SNAP91: variants seen among roughly 807,000 people sequenced by gnomAD.
SNAP91 encodes the protein synaptosome associated protein 91.
Under a neutral mutation model 100.3 loss-of-function variants are expected in SNAP91, and 27 were observed. The observed-to-expected ratio is 0.27, with a 90% CI of 0.20 to 0.37. SNAP91 has a LOEUF of 0.37. SNAP91 is among the 10% of genes least tolerant of loss of function. SNAP91 has a pLI of 1.00. For synonymous variants in SNAP91, 404 were observed against 398.6 expected, an observed-to-expected ratio of 1.01 and a Z score of -0.16; for missense variants, 986 against 1,123.7, an observed-to-expected ratio of 0.88 and a Z score of 1.75.
chr6:83,556,203 G>C lies in SNAP91; in HGVS notation c.2674C>G (p.Pro892Ala), dbSNP rs1205008783. Residue 892 changes from proline to alanine, a missense_variant, in exon 29 of 30, where the codon CCT becomes GCT. By Grantham distance (27) the Pro-to-Ala change is conservative. Coordinates refer to ENST00000369694, the MANE Select transcript of SNAP91 (RefSeq NM_001242792.2). ...PTPASQSPKK[P>A]PAKDPLADLN... ...TCCGCTAATGGGTCCTTTGCTGGAG[G>C]TTTCTTGGGACTCTGACTGGCAGGT... The C allele has an allele frequency of 6.3e-7, 1 of 1,576,008 alleles. No individual in the cohort carries two copies.
intron 11 of SNAP91, chr6:83,611,375 G>T: frequency 2.3e-6 from 1 of 425,764 alleles, no homozygotes; most frequent in Non-Finnish European, 4.7e-6. Flanking sequence ...ATTACTGGTA[G>T]CATTGACTAT....
intron 27 of SNAP91, 108 bp downstream of exon 27, chr6:83,560,756 T>G (rs1184448490): frequency 1.3e-5 from 12 of 932,070 alleles, no homozygotes; most frequent in Non-Finnish European, 1.9e-5. Context: ...AAGTTTTACT[T>G]ACTGTGTTTT....
intron 8 of SNAP91, among the ~76,000 whole-genome samples, chr6:83,624,741 T>C (rs1202918086): frequency 6.6e-6 from 1 of 152,022 alleles, no homozygotes; most frequent in Non-Finnish European, 1.5e-5. Context: ...TGCTATCCTT[T>C]GAGGAGGGGA....
In SNAP91 at chr6:83,707,753, C is replaced by G. The variant is rs752129945; in HGVS notation, c.130+45G>C. ...CAGGCCGCACCACCAGCATCCCAGG[C>G]GCCTCTGCCGTGCGCATGTCCCTCT... On this transcript the variant is annotated intron_variant, in intron 2 of 29. Coordinates refer to ENST00000369694, the MANE Select transcript of SNAP91 (RefSeq NM_001242792.2). 5.0e-6 allele frequency: 8 copies of G among 1,605,618 alleles called. No homozygotes were observed. In the East Asian group the frequency reaches 1.6e-4, roughly 31 times the overall value.
intron 26 of SNAP91, among the ~76,000 whole-genome samples, chr6:83,564,948 C>A (rs775136871): frequency 1.3e-5 from 2 of 150,102 alleles, no homozygotes; most frequent in Non-Finnish European, 3.0e-5. Flanking sequence ...TCAAAGGACA[C>A]TATCAAGAAA....
intron 26 of SNAP91, among the ~76,000 whole-genome samples, chr6:83,568,809 CCTT>C (rs1405466719): frequency 6.6e-6 from 1 of 152,172 alleles, no homozygotes; most frequent in East Asian, 1.9e-4. Context: ...TCCTTCATCT[CCTT>C]CTCAATAGCA....
At chr6:83,705,417 A>C (rs1455872293) in intron 2 of SNAP91, among the ~76,000 whole-genome samples, 5 of 152,280 alleles carry the variant, frequency 3.3e-5, no homozygotes, top group Middle Eastern at 3.4e-3. Context: ...TAGAGATTAG[A>C]CCATTTAGGT....
At chr6:83,620,326 G>A (rs2096661746) in intron 9 of SNAP91, among the ~76,000 whole-genome samples, 1 of 152,156 alleles carries the variant, frequency 6.6e-6, no homozygotes. Context: ...TACCTGGCTA[G>A]ATTGAATGGC....
chr6:83,596,878 T>C (rs905914224), intron 16 of SNAP91, among the ~76,000 whole-genome samples: 2 of 152,236 alleles, frequency 1.3e-5, no homozygotes, highest in East Asian at 3.8e-4. Flanking sequence ...GCATTTTTTA[T>C]GAAATATGCC....
At chr6:83,680,883 T>C (rs781080026) in intron 2 of SNAP91, among the ~76,000 whole-genome samples, 1 of 152,126 alleles carries the variant, frequency 6.6e-6, no homozygotes, top group African/African-American at 2.4e-5. Flanking sequence ...ATCTCAGGGA[T>C]TGAAGTTGGG....
At chr6:83,586,278 T>G (rs768024115) in intron 22 of SNAP91, among the ~76,000 whole-genome samples, 4 of 152,216 alleles carry the variant, frequency 2.6e-5, no homozygotes, top group Non-Finnish European at 4.4e-5. Context: ...ATGTTTGTAT[T>G]TTAAATTCAG....
Position 83,616,226 on chromosome 6 carries a change from G to C in SNAP91, c.878+743C>G, listed in dbSNP as rs549735501. Among the ~76,000 whole-genome samples, 6 of 152,244 alleles carry C rather than the reference G, an allele frequency of 3.9e-5. No individual in the cohort carries two copies. In the East Asian group the frequency reaches 1.2e-3, roughly 29 times the overall value. On this transcript the variant is annotated intron_variant, in intron 10 of 29. Coordinates refer to ENST00000369694, the MANE Select transcript of SNAP91 (RefSeq NM_001242792.2). ...GCATAAGATTTACAAAGCAGGACAA[G>C]GAGGATGGGCATCCTAAGACTTGCA...
At chr6:83,660,740 TA>T (rs898539731) in intron 5 of SNAP91, among the ~76,000 whole-genome samples, 28 of 148,338 alleles carry the variant, frequency 1.9e-4, no homozygotes, top group East Asian at 3.9e-4. Flanking sequence ...TCACCTCAAT[TA>T]AAAAAAAAAT....
Position 83,621,193 on chromosome 6 carries a change from A to AT in SNAP91, c.807+2107dup, listed in dbSNP as rs78418092. On this transcript the variant is annotated intron_variant, in intron 9 of 29. Coordinates refer to ENST00000369694, the MANE Select transcript of SNAP91 (RefSeq NM_001242792.2). Reference sequence around the variant, plus strand: ...TATACTCAATGTTTAGCTCCCACTTATAAGTGAGAACATGCAGTATTTGGT... The same window carrying AT: ...TATACTCAATGTTTAGCTCCCACTTATTAAGTGAGAACATGCAGTATTTGGT... Among the ~76,000 whole-genome samples the AT allele has an allele frequency of 1.6e-3, 238 of 152,260 alleles. 5 individuals are homozygous for AT. The East Asian group carries it at 0.035, about 23-fold the overall frequency.
intron 2 of SNAP91, among the ~76,000 whole-genome samples, chr6:83,695,158 T>A (rs2099183975): frequency 1.3e-5 from 2 of 150,158 alleles, no homozygotes; most frequent in Non-Finnish European, 3.0e-5. Context: ...GAGCCTCTAA[T>A]CCTACCTACT....
At chr6:83,701,666 T>C (rs2099312672) in intron 2 of SNAP91, among the ~76,000 whole-genome samples, 2 of 152,188 alleles carry the variant, frequency 1.3e-5, no homozygotes, top group African/African-American at 2.4e-5. Flanking sequence ...CAGGCTGGTC[T>C]TGAACTCCTG....
At chr6:83,556,458 G>C (rs371867652) in intron 28 of SNAP91, among the ~76,000 whole-genome samples, 4 of 147,792 alleles carry the variant, frequency 2.7e-5, no homozygotes, top group Non-Finnish European at 5.9e-5. Flanking sequence ...ATGGTTAAAG[G>C]CTTATGAAAT....
At chr6:83,599,346 C>A (rs981609131) in intron 16 of SNAP91, among the ~76,000 whole-genome samples, 1 of 152,100 alleles carries the variant, frequency 6.6e-6, no homozygotes, top group Non-Finnish European at 1.5e-5. Context: ...ACAGCTAAGG[C>A]GTAGAAATGT....
At chr6:83,670,106 A>C (rs1381865086) in intron 2 of SNAP91, among the ~76,000 whole-genome samples, 2 of 151,974 alleles carry the variant, frequency 1.3e-5, no homozygotes, top group African/African-American at 4.8e-5. Flanking sequence ...AAGATACCAG[A>C]TATATCTTCC....
Sources: gnomAD v4.1 joint callset for allele counts (sites outside exome capture counted in the v4.1 genomes callset) on GRCh38, gnomAD v4.1.1 for gene constraint, MANE v1.5 for transcripts, NCBI Gene and HGNC (gene_info 2026-07-23, HGNC 2026-07-21) for gene names.